DUSP10: variants seen among roughly 807,000 people sequenced by gnomAD.
DUSP10 encodes dual specificity protein phosphatase 10.
In DUSP10, 14 loss-of-function variants were observed where a neutral mutation model predicts 30.8. That is an observed-to-expected ratio of 0.46 (90% CI 0.30 to 0.71). DUSP10 has a LOEUF of 0.71. Among genes scored for constraint, DUSP10 ranks in the 30% least tolerant of loss-of-function variants. The probability of loss-of-function intolerance (pLI) is 0.08; values close to 1 mark genes in which losing one functional copy is unlikely to be tolerated. For missense variants in DUSP10, 550 were observed against 619.4 expected (o/e 0.89, Z 1.19); for synonymous variants, 254 against 250.4 (o/e 1.01, Z -0.14).
intron 2 of DUSP10, among the ~76,000 whole-genome samples, chr1:221,732,215 A>G (rs941878924): frequency 2.5e-4 from 38 of 152,240 alleles, no homozygotes; most frequent in Admixed American, 7.2e-4. Context: ...TCCTCTGCCC[A>G]CAAGTTTGTA....
chr1:221,714,415 T>A (rs1661032988), intron 2 of DUSP10, among the ~76,000 whole-genome samples: 1 of 152,136 alleles, frequency 6.6e-6, no homozygotes, highest in South Asian at 2.1e-4. Context: ...AGGAAAGAAT[T>A]ACCTGCGACT....
At chr1:221,727,975 G>T (rs1334215203) in intron 2 of DUSP10, among the ~76,000 whole-genome samples, 2 of 152,154 alleles carry the variant, frequency 1.3e-5, no homozygotes, top group Non-Finnish European at 2.9e-5. Context: ...GAGGAGATTA[G>T]GTCATGAGGG....
intron 2 of DUSP10, among the ~76,000 whole-genome samples, chr1:221,733,796 C>G (rs543763577): frequency 3.3e-5 from 5 of 152,318 alleles, no homozygotes; most frequent in African/African-American, 1.2e-4. Flanking sequence ...AGATTTGAAC[C>G]CAGGTGTAAG....
At chr1:221,737,517 C>A in intron 2 of DUSP10, 1 of 970,892 alleles carries the variant, frequency 1.0e-6, no homozygotes, top group Non-Finnish European at 1.2e-6. Context: ...ATATTTGTGA[C>A]CTCAAGAAAA....
At chr1:221,709,886 A>G (rs1348819730) in intron 2 of DUSP10, among the ~76,000 whole-genome samples, 1 of 152,330 alleles carries the variant, frequency 6.6e-6, no homozygotes, top group East Asian at 1.9e-4. Flanking sequence ...AGGAACCCTG[A>G]TGATGTTATG....
chr1:221,729,729 G>A (rs1661526438), intron 2 of DUSP10, among the ~76,000 whole-genome samples: 1 of 152,170 alleles, frequency 6.6e-6, no homozygotes, highest in Non-Finnish European at 1.5e-5. Context: ...AGCCAGAGTA[G>A]TTCTATGTGA....
At chr1:221,720,071 T>C (rs1179314146) in intron 2 of DUSP10, among the ~76,000 whole-genome samples, 1 of 152,194 alleles carries the variant, frequency 6.6e-6, no homozygotes, top group Non-Finnish European at 1.5e-5. Flanking sequence ...TCCCTTCCTG[T>C]AGATCCTCAC....
At chr1:221,710,530 TA>T (rs57370939) in intron 2 of DUSP10, among the ~76,000 whole-genome samples, 30,607 of 146,148 alleles carry the variant, frequency 0.21, 4,169 homozygotes, top group African/African-American at 0.4. Flanking sequence ...TTTAAAGATC[TA>T]AAAAAAAAAA....
At chr1:221,724,571 CA>C (rs1368799257) in intron 2 of DUSP10, among the ~76,000 whole-genome samples, 4 of 152,134 alleles carry the variant, frequency 2.6e-5, no homozygotes, top group Admixed American at 2.6e-4. Flanking sequence ...GCTCAATGGC[CA>C]CGTTTGGCTT....
At chr1:221,735,521 C>T (rs1395151949) in intron 2 of DUSP10, among the ~76,000 whole-genome samples, 1 of 152,116 alleles carries the variant, frequency 6.6e-6, no homozygotes, top group Non-Finnish European at 1.5e-5. Context: ...ATTAAACATA[C>T]TTAAATACAT....
rs753597071 is a variant in DUSP10 at position 221,706,228 on chromosome 1, G to A, written c.1050C>T (p.Tyr350=). 4.8e-5 allele frequency: 78 copies of A among 1,614,040 alleles called. No homozygotes were observed. In the Admixed American group the frequency reaches 1.1e-3, roughly 22 times the overall value. ...GAAGATGAGTGGTGACGTTGATGAC[G>A]TAGCCGATGTTCAGCCGCTGCATGG... ...LDTMQRLNIG[Y]VINVTTHLPL... Residue 350 remains tyrosine (Y), a synonymous_variant, in exon 3 of 4, where the codon TAC becomes TAT. Transcript: ENST00000366899. This position sits in a 1 kb window ranked among gnomAD's most constrained non-coding sequence, Gnocchi z 4.6.
intron 2 of DUSP10, among the ~76,000 whole-genome samples, chr1:221,732,587 T>G (rs1292058226): frequency 6.6e-6 from 1 of 152,260 alleles, no homozygotes; most frequent in Non-Finnish European, 1.5e-5. Context: ...CTCAGTCTGT[T>G]GATATCTATT....
chr1:221,739,003 G>C lies in DUSP10; in HGVS notation c.742C>G (p.Pro248Ala), dbSNP rs1437373534. The C allele has an allele frequency of 6.2e-7, 1 of 1,614,126 alleles. No individual in the cohort carries two copies. The stretch of plus-strand genomic sequence containing the variant: ...AGGACTATGTGAAGTGGCTGGGAGG[G>C]CATCACTCGGCTTGGTTCATTGGTA... ...ENTNEPSRVM[P>A]SQPLHIVLES... The change falls in exon 2 of 4, where the codon CCC becomes GCC. Residue 248 changes from proline (P) to alanine (A), a missense_variant. Transcript: ENST00000366899.
chr1:221,738,682 G>C (rs1284373869), intron 2 of DUSP10, among the ~76,000 whole-genome samples: 1 of 152,220 alleles, frequency 6.6e-6, no homozygotes, highest in African/African-American at 2.4e-5. Flanking sequence ...GTCCCAGAGA[G>C]GTGAAATGAC....
Position 221,739,346 on chromosome 1 carries a change from C to T in DUSP10, c.399G>A (p.Val133=). 1 of 1,614,002 alleles carries T rather than the reference C, an allele frequency of 6.2e-7. No individual in the cohort carries two copies. The highest frequency in any genetic ancestry group is 8.5e-7 in the Non-Finnish European group (1 of 1,179,930). The change falls in exon 2 of 4, where the codon GTG becomes GTA. Residue 133 remains valine, a synonymous_variant. Coordinates refer to ENST00000366899, the MANE Select transcript of DUSP10 (RefSeq NM_007207.6). ...TGGGGGTCCCTGACACAGGGCTGCCCACCCCACTTGATGGACTTAGAGAGC... is the reference window on the plus strand; with the variant it reads ...TGGGGGTCCCTGACACAGGGCTGCCTACCCCACTTGATGGACTTAGAGAGC... ...NTGSLSPSSG[V]GSPVSGTPKQ...
intron 2 of DUSP10, among the ~76,000 whole-genome samples, chr1:221,714,511 G>C (rs1231549721): frequency 6.6e-6 from 1 of 152,106 alleles, no homozygotes. Flanking sequence ...GCCAGGCAAG[G>C]GGAGAGTTCA....
At chr1:221,705,716 G>A (rs914127003) in intron 3 of DUSP10, among the ~76,000 whole-genome samples, 5 of 152,156 alleles carry the variant, frequency 3.3e-5, no homozygotes, top group African/African-American at 9.7e-5. Flanking sequence ...GGTGCTCAAC[G>A]GCGCTAGTAG....
At position 221,713,484 on chromosome 1, in the gene DUSP10, C is replaced by T. The variant is rs571843587; in HGVS notation, c.812-7018G>A. Among the ~76,000 whole-genome samples, 19 of 152,280 alleles carry T rather than the reference C, an allele frequency of 1.2e-4. No individual in the cohort carries two copies. In the South Asian group the frequency reaches 3.7e-3, roughly 30 times the overall value. ...ATTCTCTAAAAATATATGCATACTT[C>T]TAGAAATTTTTGAAATGGACGTACA... On this transcript the variant is annotated intron_variant, in intron 2 of 3. Transcript: ENST00000366899.
intron 2 of DUSP10, among the ~76,000 whole-genome samples, chr1:221,712,872 G>A (rs1660982576): frequency 6.8e-6 from 1 of 147,670 alleles, no homozygotes; most frequent in Non-Finnish European, 1.5e-5. Context: ...AGTTATTGAA[G>A]TATTCTGGGC....
Sources: allele counts gnomAD v4.1 joint callset (sites outside exome capture counted in the v4.1 genomes callset), GRCh38; gene constraint gnomAD v4.1.1; non-coding constraint Gnocchi (gnomAD v3.1); transcripts MANE v1.5; gene names NCBI Gene and HGNC (gene_info 2026-07-23, HGNC 2026-07-21).